The following JAM3 variants were observed in gnomAD, a reference collection of about 807,000 sequenced individuals.
The protein encoded by JAM3 is junctional adhesion molecule 3.
JAM3 carries 31 observed loss-of-function variants against 39.4 expected under a neutral mutation model. That is an observed-to-expected ratio of 0.79 (90% CI 0.59 to 1.06). The LOEUF is 1.06. JAM3 is among the 50% of genes least tolerant of loss of function. The probability of loss-of-function intolerance (pLI) is 0.00; values close to 1 mark genes in which losing one functional copy is unlikely to be tolerated. For synonymous variants in JAM3, 182 were observed against 148.7 expected (o/e 1.22, Z -1.63); for missense variants, 455 against 391.4 (o/e 1.16, Z -1.37).
At position 134,151,712 on chromosome 11, in the gene JAM3, C is replaced by T. The variant is rs1315225568; in HGVS notation, c.*2531C>T. ...CTTGTACTAACACACCGTAATTTGG[C>T]ATTTGTTTAACCTCATTTATAAAAG... On this transcript the variant is annotated 3_prime_UTR_variant, in exon 9 of 9. Transcript: ENST00000299106. 1 of 152,224 alleles carries T rather than the reference C, an allele frequency of 6.6e-6. No individual in the cohort carries two copies. Among genetic ancestry groups the T allele is most frequent in the African/African-American group, 2.4e-5 (1 of 41,444 alleles). 9.4% of individuals were successfully genotyped at this position (152,224 alleles called of 1,614,324 possible). A position where few individuals can be genotyped will look rare whatever the true frequency, so the allele number is the denominator to read the frequency against.
At chr11:134,125,257 G>T (rs1323223632) in intron 1 of JAM3, among the ~76,000 whole-genome samples, 1 of 152,216 alleles carries the variant, frequency 6.6e-6, no homozygotes, top group Non-Finnish European at 1.5e-5. Flanking sequence ...CATCTTCCCT[G>T]GAAGGAAGAG....
chr11:134,123,945 T>G, intron 1 of JAM3: 1 of 1,476,704 alleles, frequency 6.8e-7, no homozygotes, highest in South Asian at 1.1e-5. Flanking sequence ...TGTTATAAAC[T>G]GAACTGCATC....
Position 134,145,979 on chromosome 11 carries a change from C to A in JAM3, c.646C>A (p.Gln216Lys). ...FTAVHKDDSG[Q>K]YYCIASNDAG... ...TGCTGTTCACAAGGACGACTCTGGGCAGTACTACTGCATTGCTTCCAATGA... is the reference window on the plus strand; with the variant it reads ...TGCTGTTCACAAGGACGACTCTGGGAAGTACTACTGCATTGCTTCCAATGA... The change falls in exon 6 of 9, where the codon CAG (glutamine) becomes AAG (lysine). Residue 216 changes from glutamine to lysine, a missense_variant. Coordinates refer to ENST00000299106, the MANE Select transcript of JAM3 (RefSeq NM_032801.5). The A allele has an allele frequency of 6.2e-7, 1 of 1,613,820 alleles. No individual in the cohort carries two copies. The highest frequency in any genetic ancestry group is 8.5e-7 in the Non-Finnish European group (1 of 1,179,704).
chr11:134,095,713 C>T (rs918929718), intron 1 of JAM3, among the ~76,000 whole-genome samples: 8 of 152,046 alleles, frequency 5.3e-5, no homozygotes, highest in African/African-American at 1.2e-4. Flanking sequence ...TAAAGCACTA[C>T]GGAAGTACTC....
At chr11:134,122,625 C>T (rs1468762445) in intron 1 of JAM3, among the ~76,000 whole-genome samples, 2 of 152,166 alleles carry the variant, frequency 1.3e-5, no homozygotes, top group Admixed American at 1.3e-4. Flanking sequence ...TGGTTTTAAA[C>T]CAGGGATATT....
At chr11:134,124,443 TATCA>T (rs1039039815) in intron 1 of JAM3, 33 of 525,832 alleles carry the variant, frequency 6.3e-5, no homozygotes, top group South Asian at 3.7e-4. Context: ...AAATGCCTAT[TATCA>T]ATCAGTGTTT....
At chr11:134,112,185 C>T (rs1942325775) in intron 1 of JAM3, among the ~76,000 whole-genome samples, 1 of 152,106 alleles carries the variant, frequency 6.6e-6, no homozygotes, top group South Asian at 2.1e-4. Context: ...CTCCCGGGTT[C>T]AAGGAATTCT....
chr11:134,148,846 A>G, intron 8 of JAM3, 28 bp downstream of exon 8: 2 of 1,609,812 alleles, frequency 1.2e-6, no homozygotes, highest in Non-Finnish European at 1.7e-6. Context: ...CTGGAAACCT[A>G]GGTGTACCCA....
At chr11:134,124,203 A>C in intron 1 of JAM3, 1 of 1,423,742 alleles carries the variant, frequency 7.0e-7, no homozygotes, top group Non-Finnish European at 9.9e-7. Context: ...AACTCGAACC[A>C]AAGTCATCAC....
At chr11:134,149,085 G>C in intron 8 of JAM3, 61 bp from the exon 9 acceptor site, 2 of 1,594,436 alleles carry the variant, frequency 1.3e-6, no homozygotes, top group African/African-American at 2.7e-5. Context: ...GACTTACTCC[G>C]TGTTTTTCCC....
chr11:134,094,871 A>G (rs1941948995), intron 1 of JAM3, among the ~76,000 whole-genome samples: 1 of 152,258 alleles, frequency 6.6e-6, no homozygotes, highest in Non-Finnish European at 1.5e-5. Flanking sequence ...GCCCAAATAT[A>G]GTACGTGCTA....
intron 1 of JAM3, among the ~76,000 whole-genome samples, chr11:134,116,182 T>C (rs561008209): frequency 3.3e-5 from 5 of 152,314 alleles, no homozygotes; most frequent in South Asian, 4.1e-4. Context: ...ATGCTAAAAT[T>C]ACCATAATAA....
chr11:134,082,734 G>A (rs1000141026), intron 1 of JAM3, among the ~76,000 whole-genome samples: 3 of 152,056 alleles, frequency 2.0e-5, no homozygotes, highest in South Asian at 2.1e-4. Flanking sequence ...TCAGCAGCAC[G>A]AAAATGGACT....
intron 1 of JAM3, among the ~76,000 whole-genome samples, chr11:134,081,405 A>T (rs1297052027): frequency 1.3e-5 from 2 of 152,224 alleles, no homozygotes; most frequent in Non-Finnish European, 2.9e-5. Context: ...GGCCGGGCCC[A>T]GGGTCCCTGT....
At position 134,149,288 on chromosome 11, in the gene JAM3, C is replaced by CA. The variant is rs1249872786; in HGVS notation, c.*108dup. ...ATGCACTCGGACAGAGCTAGACACTCATTCAGAAGCTTTTCGTTTTGGCCA... is the reference window on the plus strand; with the variant it reads ...ATGCACTCGGACAGAGCTAGACACTCAATTCAGAAGCTTTTCGTTTTGGCCA... On this transcript the variant is annotated 3_prime_UTR_variant, in exon 9 of 9. Transcript: ENST00000299106. 1.3e-5 allele frequency: 17 copies of CA among 1,353,298 alleles called. No individual in the cohort carries two copies. Among genetic ancestry groups the CA allele is most frequent in the Non-Finnish European group, 1.8e-5 (17 of 958,538 alleles). 83.8% of individuals were successfully genotyped at this position (1,353,298 alleles called of 1,614,324 possible).
At chr11:134,075,929 C>G (rs1941561675) in intron 1 of JAM3, among the ~76,000 whole-genome samples, 1 of 152,008 alleles carries the variant, frequency 6.6e-6, no homozygotes, top group South Asian at 2.1e-4. Context: ...GTCATTTTTT[C>G]ATGTTCTTGT....
chr11:134,089,219 A>G (rs1352325065), intron 1 of JAM3, among the ~76,000 whole-genome samples: 2 of 152,146 alleles, frequency 1.3e-5, no homozygotes, highest in Non-Finnish European at 2.9e-5. Flanking sequence ...AATAAAGGCA[A>G]ATTCTGCACA....
intron 1 of JAM3, among the ~76,000 whole-genome samples, chr11:134,077,722 C>T (rs1302686391): frequency 4.2e-5 from 6 of 142,110 alleles, no homozygotes; most frequent in South Asian, 2.3e-4. Context: ...GTGGAAATCT[C>T]GGCTCGGAAA....
chr11:134,123,652 TAG>T (rs958763417), intron 1 of JAM3, among the ~76,000 whole-genome samples: 9 of 152,252 alleles, frequency 5.9e-5, no homozygotes, highest in African/African-American at 2.2e-4. Flanking sequence ...ATTCATTTTA[TAG>T]AGAGATTTCT....
Sources: allele counts gnomAD v4.1 joint callset (sites outside exome capture counted in the v4.1 genomes callset), GRCh38; gene constraint gnomAD v4.1.1; transcripts MANE v1.5; gene names NCBI Gene and HGNC (gene_info 2026-07-23, HGNC 2026-07-21).